Variants in ATRN observed in about 807,000 individuals in gnomAD.
ATRN encodes attractin-2.
In ATRN, 54 loss-of-function variants were observed where a neutral mutation model predicts 178.7. The observed-to-expected ratio is 0.30, with a 90% confidence interval of 0.24 to 0.38. The LOEUF (loss-of-function observed/expected upper bound fraction) is 0.38, where lower values mean the gene tolerates loss of function less well. ATRN is among the 10% of genes least tolerant of loss of function. The pLI is 1.00. For synonymous variants in ATRN, 636 were observed against 663.0 expected, an observed-to-expected ratio of 0.96 and a Z score of 0.63; for missense variants, 1,443 against 1,815.1, an observed-to-expected ratio of 0.79 and a Z score of 3.73.
intron 25 of ATRN, among the ~76,000 whole-genome samples, chr20:3,627,442 G>A (rs747905256): frequency 1.2e-4 from 18 of 152,132 alleles, no homozygotes; most frequent in Non-Finnish European, 2.1e-4. Context: ...AGAAGTAGAA[G>A]AAAGAAAAAT....
intron 11 of ATRN, among the ~76,000 whole-genome samples, chr20:3,572,472 T>C (rs1398725318): frequency 6.6e-6 from 1 of 152,126 alleles, no homozygotes. Context: ...AAAAATAATT[T>C]CTTAGAAGAC....
At chr20:3,484,060 C>T (rs1393450206) in intron 1 of ATRN, among the ~76,000 whole-genome samples, 3 of 151,952 alleles carry the variant, frequency 2.0e-5, no homozygotes, top group Admixed American at 2.0e-4. Context: ...CCAGTCTGGG[C>T]AACATAGGGA....
chr20:3,545,777 T>G lies in ATRN; in HGVS notation c.624T>G (p.Pro208=), dbSNP rs145688215. The G allele has an allele frequency of 8.1e-6, 13 of 1,613,918 alleles. No homozygotes were observed. In the African/African-American group the frequency reaches 1.6e-4, roughly 20 times the overall value. ...TTCATTTCAGTGGCCTCATTGTTCC[T>G]GAGAGAGATGGCAATGAGACTGTCC... ...LVAAFSGLIV[P]ERDGNETVPE... is the part of the protein sequence containing the mutation. Residue 208 remains proline, a synonymous_variant, in exon 4 of 29, where the codon CCT becomes CCG. Coordinates refer to ENST00000262919, the MANE Select transcript of ATRN (RefSeq NM_139321.3).
intron 25 of ATRN, chr20:3,629,085 C>T (rs1449981392): frequency 3.2e-5 from 32 of 985,218 alleles, no homozygotes; most frequent in Non-Finnish European, 3.6e-5. Context: ...AGCAGGCACT[C>T]CCTTACCAGG....
At chr20:3,521,298 C>T (rs533581828) in intron 1 of ATRN, among the ~76,000 whole-genome samples, 44 of 151,514 alleles carry the variant, frequency 2.9e-4, no homozygotes, top group African/African-American at 1.0e-3. Flanking sequence ...ACGCATGCAA[C>T]AAACCTGCAC....
At chr20:3,525,037 A>T (rs1220424781) in intron 1 of ATRN, among the ~76,000 whole-genome samples, 2 of 152,096 alleles carry the variant, frequency 1.3e-5, no homozygotes, top group Admixed American at 6.6e-5. Flanking sequence ...GCTAGCAGAC[A>T]AGAAATAATT....
chr20:3,554,216 T>G (rs1166176704), intron 6 of ATRN, among the ~76,000 whole-genome samples: 1 of 152,120 alleles, frequency 6.6e-6, no homozygotes, highest in Non-Finnish European at 1.5e-5. Context: ...CACGTAAATA[T>G]TAGCATAGTT....
At position 3,583,883 on chromosome 20, in the gene ATRN, G is replaced by A; in HGVS notation, c.2765-15G>A. ...GGTGGGAGCTCTAAGTGTCTCTCTT[G>A]GGTTTCATTCCCAGCAAACCACAGT... On this transcript the variant is annotated splice_polypyrimidine_tract_variant and intron_variant, in intron 16 of 28. Coordinates refer to ENST00000262919, the MANE Select transcript of ATRN (RefSeq NM_139321.3). The A allele has an allele frequency of 6.2e-7, 1 of 1,609,944 alleles. No individual in the cohort carries two copies. The highest frequency in any genetic ancestry group is 8.5e-7 in the Non-Finnish European group (1 of 1,176,576).
Position 3,584,103 on chromosome 20 carries a change from C to G in ATRN, c.2950+20C>G, listed in dbSNP as rs965014098. 8 of 1,610,892 alleles carry G rather than the reference C, an allele frequency of 5.0e-6. No individual in the cohort carries two copies. The African/African-American group carries it at 6.7e-5, about 13-fold the overall frequency. The stretch of plus-strand genomic sequence containing the variant: ...GCCCCCGTAAGTGAAAAAGGGAGCC[C>G]TAGGCACTTATGCATGCCCTCTGTA... On this transcript the variant is annotated intron_variant, in intron 17 of 28. Transcript: ENST00000262919.
Position 3,471,372 on chromosome 20 carries a change from G to A in ATRN, c.265G>A (p.Ala89Thr). 1 of 1,483,072 alleles carries A rather than the reference G, an allele frequency of 6.7e-7. No homozygotes were observed. Among genetic ancestry groups the A allele is most frequent in the Non-Finnish European group, 8.9e-7 (1 of 1,126,314 alleles). 91.9% of individuals were successfully genotyped at this position (1,483,072 alleles called of 1,614,324 possible). ...CEAEAAAAAA[A>T]VSGSAAAEAK... ...GGCCGAGGCCGCGGCGGCGGCGGCG[G>A]CGGTGTCGGGCTCAGCCGCAGCCGA... Residue 89 changes from alanine to threonine, a missense_variant, in exon 1 of 29, where the codon GCG becomes ACG. This residue lies in a region of ATRN where 862 missense variants were observed against 972.1 expected (regional missense o/e 0.89). Transcript: ENST00000262919.
intron 3 of ATRN, among the ~76,000 whole-genome samples, chr20:3,544,178 G>A (rs547411904): frequency 1.9e-4 from 29 of 152,156 alleles, no homozygotes; most frequent in African/African-American, 6.7e-4. Context: ...ACACATGTAC[G>A]GTCCATTGTT....
In ATRN at chr20:3,523,987, A is replaced by G. The variant is rs796909049; in HGVS notation, c.411-11266A>G. Among the ~76,000 whole-genome samples, 16 of 152,364 alleles carry G rather than the reference A, an allele frequency of 1.1e-4. 2 individuals carry two copies. Among genetic ancestry groups the G allele is most frequent in the African/African-American group, 3.8e-4 (16 of 41,590 alleles). ...ATACCAAATTGTAAAGACCATTGACACTATGAAGAAACTGCATCAACTAAT... is the reference window on the plus strand; with the variant it reads ...ATACCAAATTGTAAAGACCATTGACGCTATGAAGAAACTGCATCAACTAAT... On this transcript the variant is annotated intron_variant, in intron 1 of 28. Coordinates refer to ENST00000262919, the MANE Select transcript of ATRN (RefSeq NM_139321.3).
intron 24 of ATRN, among the ~76,000 whole-genome samples, chr20:3,619,742 C>G (rs1346371264): frequency 6.6e-6 from 1 of 152,198 alleles, no homozygotes; most frequent in Non-Finnish European, 1.5e-5. Context: ...GACCCATTCT[C>G]TTCCCTCAGG....
chr20:3,509,532 C>T (rs974435864), intron 1 of ATRN, among the ~76,000 whole-genome samples: 1 of 147,484 alleles, frequency 6.8e-6, no homozygotes, highest in Non-Finnish European at 1.5e-5. Context: ...GAGTCTTGCT[C>T]TGTCGCCCAG....
At chr20:3,489,941 A>T in intron 1 of ATRN, 1 of 1,113,814 alleles carries the variant, frequency 9.0e-7, no homozygotes, top group Non-Finnish European at 1.4e-6. Context: ...TCTCACTCTT[A>T]CTGATCTGCT....
At chr20:3,490,853 C>T in intron 1 of ATRN, 1 of 835,248 alleles carries the variant, frequency 1.2e-6, no homozygotes, top group South Asian at 1.3e-5. Context: ...CCCTCAGGTT[C>T]CCACTGACCT....
At chr20:3,613,683 A>G (rs1330210429) in intron 24 of ATRN, among the ~76,000 whole-genome samples, 1 of 151,754 alleles carries the variant, frequency 6.6e-6, no homozygotes, top group Admixed American at 6.5e-5. Context: ...CATTTTTTAA[A>G]TTAGATTTTA....
intron 20 of ATRN, among the ~76,000 whole-genome samples, chr20:3,595,768 C>T (rs2086520642): frequency 6.6e-6 from 1 of 152,224 alleles, no homozygotes; most frequent in Non-Finnish European, 1.5e-5. Flanking sequence ...TTACCCACTT[C>T]CCGCCCTTTC....
At chr20:3,524,543 C>G (rs2085338773) in intron 1 of ATRN, among the ~76,000 whole-genome samples, 1 of 152,166 alleles carries the variant, frequency 6.6e-6, no homozygotes, top group Non-Finnish European at 1.5e-5. Context: ...AGGACTTGAA[C>G]TCAGCTCTGG....
Sources: gnomAD v4.1 joint callset for allele counts (sites outside exome capture counted in the v4.1 genomes callset) on GRCh38, gnomAD v4.1.1 for gene constraint, gnomAD v4.1.1 regional missense constraint, MANE v1.5 for transcripts, NCBI Gene and HGNC (gene_info 2026-07-23, HGNC 2026-07-21) for gene names.